CERS3: variants seen among roughly 807,000 people sequenced by gnomAD.
The protein encoded by CERS3 is ceramide synthase 3.
Under a neutral mutation model 50.3 loss-of-function variants are expected in CERS3, and 33 were observed. That is an observed-to-expected ratio of 0.66 (90% CI 0.50 to 0.88). The LOEUF (loss-of-function observed/expected upper bound fraction) is 0.88, where lower values mean the gene tolerates loss of function less well. Among genes scored for constraint, CERS3 ranks in the 40% least tolerant of loss-of-function variants. The probability of loss-of-function intolerance (pLI) is 0.00; values close to 1 mark genes in which losing one functional copy is unlikely to be tolerated. For synonymous variants in CERS3, 176 were observed against 155.2 expected (o/e 1.13, Z -0.99); for missense variants, 470 against 460.3 (o/e 1.02, Z -0.19).
At chr15:100,490,547 C>G (rs899134259) in intron 4 of CERS3, among the ~76,000 whole-genome samples, 13 of 151,986 alleles carry the variant, frequency 8.6e-5, no homozygotes, top group African/African-American at 3.1e-4. Flanking sequence ...GACCTTTATT[C>G]CCAAATTATG....
intron 11 of CERS3, among the ~76,000 whole-genome samples, chr15:100,433,343 C>T (rs113063931): frequency 2.6e-5 from 4 of 152,074 alleles, no homozygotes; most frequent in Admixed American, 1.3e-4. Context: ...TTCCCCCCGC[C>T]GCCCCACCAT....
intron 5 of CERS3, 138 bp from the exon 6 acceptor site, chr15:100,480,184 C>T (rs1345505559): frequency 4.5e-6 from 3 of 664,698 alleles, no homozygotes; most frequent in Non-Finnish European, 8.0e-6. Context: ...CTGGCTCTGC[C>T]CCACTTATTA....
intron 2 of CERS3, among the ~76,000 whole-genome samples, chr15:100,519,848 G>A (rs564550605): frequency 1.8e-4 from 28 of 152,200 alleles, no homozygotes; most frequent in Non-Finnish European, 3.7e-4. Flanking sequence ...ACAGTCAAAG[G>A]TATGATTAAG....
At chr15:100,416,797 T>C (rs535302503) in intron 11 of CERS3, among the ~76,000 whole-genome samples, 1 of 152,172 alleles carries the variant, frequency 6.6e-6, no homozygotes, top group East Asian at 1.9e-4. Flanking sequence ...TGAGATGAGA[T>C]TTGAGTGAAG....
chr15:100,479,366 G>T (rs1313061882), intron 7 of CERS3, 62 bp downstream of exon 7: 3 of 1,250,042 alleles, frequency 2.4e-6, no homozygotes, highest in African/African-American at 1.5e-5. Context: ...ACGTAACTAA[G>T]GAGATAATTT....
At chr15:100,450,915 G>A (rs552406676) in intron 11 of CERS3, among the ~76,000 whole-genome samples, 2 of 151,982 alleles carry the variant, frequency 1.3e-5, no homozygotes, top group Non-Finnish European at 2.9e-5. Context: ...AGTGGGGGAG[G>A]GGGGGAACCT....
intron 11 of CERS3, among the ~76,000 whole-genome samples, chr15:100,410,897 T>TCAC (rs61606705): frequency 0.12 from 18,082 of 152,124 alleles, 1,865 homozygotes; most frequent in African/African-American, 0.28. Context: ...TGTGTAATCA[T>TCAC]CACCATCCAT....
At chr15:100,538,998 T>C (rs1299660726) in intron 1 of CERS3, among the ~76,000 whole-genome samples, 7 of 152,138 alleles carry the variant, frequency 4.6e-5, no homozygotes, top group Admixed American at 1.3e-4. Context: ...AGAAATTTCT[T>C]CCACTAGATA....
chr15:100,541,569 G>T (rs2142440756), intron 1 of CERS3, among the ~76,000 whole-genome samples: 1 of 152,242 alleles, frequency 6.6e-6, no homozygotes, highest in Non-Finnish European at 1.5e-5. Context: ...AACCTCTGTT[G>T]TACTGGACCA....
chr15:100,409,657 C>T (rs74038766), intron 11 of CERS3, among the ~76,000 whole-genome samples: 5,095 of 152,258 alleles, frequency 0.033, 309 homozygotes, highest in African/African-American at 0.12. Flanking sequence ...AGACTTTGCT[C>T]GCAAAATCAG....
chr15:100,493,568 C>T (rs116981803), intron 3 of CERS3, among the ~76,000 whole-genome samples: 1,688 of 152,248 alleles, frequency 0.011, 54 homozygotes, highest in Admixed American at 0.062. Context: ...TTTGGATATG[C>T]AGATTCAGAA....
At chr15:100,538,538 G>A (rs918936433) in intron 1 of CERS3, among the ~76,000 whole-genome samples, 3 of 152,220 alleles carry the variant, frequency 2.0e-5, no homozygotes, top group Non-Finnish European at 4.4e-5. Flanking sequence ...AAGACTTTGG[G>A]CTTGCACCCT....
chr15:100,534,555 G>A (rs1040544621), intron 1 of CERS3, among the ~76,000 whole-genome samples: 2 of 150,348 alleles, frequency 1.3e-5, no homozygotes, highest in Non-Finnish European at 3.0e-5. Context: ...ACTGGAAATC[G>A]CTTAGGGCAA....
intron 3 of CERS3, chr15:100,500,282 T>C (rs888522227): frequency 6.6e-6 from 1 of 152,128 alleles, no homozygotes; most frequent in Non-Finnish European, 1.5e-5. Flanking sequence ...GGAGATAGAA[T>C]AGAGAATATA....
At chr15:100,417,374 G>A (rs531199884) in intron 11 of CERS3, among the ~76,000 whole-genome samples, 4 of 151,740 alleles carry the variant, frequency 2.6e-5, no homozygotes, top group Non-Finnish European at 5.9e-5. Flanking sequence ...CTTTTCCGAC[G>A]GGCTTAAAAA....
chr15:100,441,526 A>G (rs1016040947), intron 11 of CERS3, among the ~76,000 whole-genome samples: 1 of 151,198 alleles, frequency 6.6e-6, no homozygotes, highest in African/African-American at 2.4e-5. Flanking sequence ...CTCCTTCACT[A>G]TGGGCAACCT....
intron 11 of CERS3, among the ~76,000 whole-genome samples, chr15:100,418,507 G>A (rs969436431): frequency 4.7e-5 from 7 of 148,758 alleles, no homozygotes; most frequent in African/African-American, 1.7e-4. Context: ...AAAACACTCT[G>A]CAGGATATTA....
At chr15:100,514,177 G>A (rs1440831633) in intron 2 of CERS3, among the ~76,000 whole-genome samples, 3 of 152,188 alleles carry the variant, frequency 2.0e-5, no homozygotes, top group Non-Finnish European at 4.4e-5. Flanking sequence ...TTGTTAGAAT[G>A]AGTAAGTGGG....
intron 4 of CERS3, 130 bp from the exon 5 acceptor site, chr15:100,484,798 A>G: frequency 1.5e-6 from 1 of 681,836 alleles, no homozygotes; most frequent in Non-Finnish European, 2.6e-6. Context: ...TGAGACCTGG[A>G]GCCAGGGAAT....
Sources: gnomAD v4.1 joint callset for allele counts (sites outside exome capture counted in the v4.1 genomes callset) on GRCh38, gnomAD v4.1.1 for gene constraint, MANE v1.5 for transcripts, NCBI Gene and HGNC (gene_info 2026-07-23, HGNC 2026-07-21) for gene names.